The following LRBA variants were observed in gnomAD, a reference collection of about 807,000 sequenced individuals.
The protein encoded by LRBA is lipopolysaccharide-responsive and beige-like anchor protein.
Under a neutral mutation model 330.0 loss-of-function variants are expected in LRBA, and 176 were observed. The ratio of observed to expected loss-of-function variants is 0.53; its 90% confidence interval spans 0.47 to 0.60. The LOEUF (loss-of-function observed/expected upper bound fraction) is 0.60. Ranked by LOEUF, LRBA falls within the 20% of genes least tolerant of loss-of-function variation. The pLI, the probability that LRBA is intolerant of heterozygous loss-of-function variation, is 0.00. For synonymous variants in LRBA, 1,230 were observed against 1,193.0 expected, an observed-to-expected ratio of 1.03 and a Z score of -0.64; for missense variants, 3,259 against 3,444.8, an observed-to-expected ratio of 0.95 and a Z score of 1.35.
chr4:150,609,157 A>G (rs6826248), intron 37 of LRBA, among the ~76,000 whole-genome samples: 118,467 of 152,144 alleles, frequency 0.78, 51,042 homozygotes, highest in Non-Finnish European at 0.95. Context: ...CACTTTTTAA[A>G]TGTTTCTCTG....
At position 150,282,471 on chromosome 4, in the gene LRBA, C is replaced by T. The variant is rs142722799; in HGVS notation, c.8295G>A (p.Met2765Ile). 2.5e-5 allele frequency: 40 copies of T among 1,614,000 alleles called. No homozygotes were observed. In the African/African-American group the frequency reaches 4.3e-4, roughly 17 times the overall value. The change falls in exon 55 of 57, where the codon ATG becomes ATA. Residue 2765 changes from methionine (M) to isoleucine (I), a missense_variant. By Grantham distance (10) the Met-to-Ile change is conservative. Transcript: ENST00000651943. ...TCACTCTTATGTTATCATCTGTTTC[C>T]ATCGTGGCCTGGAGTTTTCCATTCA... ...FSVNGKLQATMETDDNIRAIQ... is the reference protein window; with the variant it reads ...FSVNGKLQATIETDDNIRAIQ...
chr4:150,850,719 C>G lies in LRBA; in HGVS notation c.4004+5G>C. On this transcript the variant is annotated splice_donor_5th_base_variant and intron_variant, in intron 24 of 56. Coordinates refer to ENST00000651943, the MANE Select transcript of LRBA (RefSeq NM_001364905.1). ...ACATCTTCCATAATAAACATATAGACAAACCTTCTCCACATCTGTATATCT... is the reference window on the plus strand; with the variant it reads ...ACATCTTCCATAATAAACATATAGAGAAACCTTCTCCACATCTGTATATCT... 6.3e-7 allele frequency: 1 copy of G among 1,593,254 alleles called. No homozygotes were observed. Among genetic ancestry groups the G allele is most frequent in the Non-Finnish European group, 8.6e-7 (1 of 1,164,644 alleles).
rs1343942491 is a variant in LRBA at position 150,714,828 on chromosome 4, G to A, written c.5754+20430C>T. Reference sequence around the variant, plus strand: ...TAAATTAAGATTGCTAATATAGTGAGTTCAGTTTTGAGAAACAAGGCCATC... The same window carrying A: ...TAAATTAAGATTGCTAATATAGTGAATTCAGTTTTGAGAAACAAGGCCATC... On this transcript the variant is annotated intron_variant, in intron 36 of 56. Transcript: ENST00000651943. 2.0e-5 allele frequency among the ~76,000 whole-genome samples: 3 copies of A among 152,136 alleles called. No homozygotes were observed. In the East Asian group the frequency reaches 5.8e-4, roughly 29 times the overall value.
At chr4:150,877,779 G>A (rs118078538) in intron 17 of LRBA, among the ~76,000 whole-genome samples, 3 of 152,204 alleles carry the variant, frequency 2.0e-5, no homozygotes, top group East Asian at 1.9e-4. Flanking sequence ...CACATGCTTC[G>A]CCATAAAGAA....
intron 34 of LRBA, among the ~76,000 whole-genome samples, chr4:150,769,223 G>A (rs1190197015): frequency 2.6e-5 from 4 of 152,012 alleles, no homozygotes; most frequent in Admixed American, 2.6e-4. Context: ...GGGATTACAG[G>A]AGTGAGCCAC....
intron 41 of LRBA, among the ~76,000 whole-genome samples, chr4:150,489,466 AATATATT>A (rs1758538617): frequency 2.7e-5 from 1 of 36,482 alleles, no homozygotes; most frequent in Non-Finnish European, 6.4e-5. Context: ...AAGAATATAA[AATATATT>A]ATATATAAGA....
chr4:150,435,421 T>C (rs937004443), intron 46 of LRBA, among the ~76,000 whole-genome samples, 168 bp downstream of exon 46: 4 of 151,860 alleles, frequency 2.6e-5, no homozygotes, highest in African/African-American at 4.8e-5. Flanking sequence ...AGACAAGAGA[T>C]AGAGACAGAG....
At chr4:150,588,487 A>G (rs927308889) in intron 39 of LRBA, among the ~76,000 whole-genome samples, 5 of 152,212 alleles carry the variant, frequency 3.3e-5, no homozygotes, top group African/African-American at 1.2e-4. Flanking sequence ...CTCTGCCTAA[A>G]TAAGTCCATC....
intron 8 of LRBA, among the ~76,000 whole-genome samples, chr4:150,915,194 C>T (rs573265814): frequency 1.3e-5 from 2 of 152,058 alleles, no homozygotes; most frequent in East Asian, 3.9e-4. Context: ...TCATTCTAAC[C>T]TATAGATTTA....
chr4:150,615,949 C>G (rs1258665461), intron 37 of LRBA, among the ~76,000 whole-genome samples: 1 of 152,004 alleles, frequency 6.6e-6, no homozygotes, highest in African/African-American at 2.4e-5. Flanking sequence ...CTCTTGGAAG[C>G]CAAGAACTAA....
chr4:150,992,632 G>A (rs185183586), intron 2 of LRBA, among the ~76,000 whole-genome samples: 76 of 152,270 alleles, frequency 5.0e-4, no homozygotes, highest in Non-Finnish European at 9.1e-4. Flanking sequence ...TCTGAATTAA[G>A]GTTCAATTAA....
At chr4:150,293,818 C>CA (rs985265290) in intron 53 of LRBA, among the ~76,000 whole-genome samples, 1 of 152,210 alleles carries the variant, frequency 6.6e-6, no homozygotes, top group African/African-American at 2.4e-5. Context: ...TCTGCTTCCT[C>CA]AGTCTACTCG....
intron 37 of LRBA, among the ~76,000 whole-genome samples, chr4:150,601,981 G>A (rs1258620034): frequency 2.0e-5 from 3 of 149,582 alleles, no homozygotes; most frequent in East Asian, 2.2e-4. Context: ...GTGAGCCACC[G>A]CACCCGGCCT....
At chr4:150,372,596 A>T (rs1039834677) in intron 47 of LRBA, among the ~76,000 whole-genome samples, 2 of 149,820 alleles carry the variant, frequency 1.3e-5, no homozygotes, top group African/African-American at 2.4e-5. Context: ...AAAGAAAAAA[A>T]ATCCAAAAGA....
intron 47 of LRBA, among the ~76,000 whole-genome samples, chr4:150,381,705 T>C (rs1027695733): frequency 2.6e-5 from 4 of 152,240 alleles, no homozygotes; most frequent in African/African-American, 9.6e-5. Flanking sequence ...TTATCTTGGA[T>C]ATACATATAA....
At chr4:151,002,196 C>CA (rs143587760) in intron 2 of LRBA, among the ~76,000 whole-genome samples, 14,244 of 24,580 alleles carry the variant, frequency 0.58, 4,588 homozygotes, top group Non-Finnish European at 0.71. Context: ...CATAAAACAG[C>CA]AAAAAAAAAA....
At chr4:150,284,487 CTA>C in intron 54 of LRBA, among the ~76,000 whole-genome samples, 1 of 152,264 alleles carries the variant, frequency 6.6e-6, no homozygotes, top group East Asian at 1.9e-4. Context: ...GTGAGTTTTA[CTA>C]CTTTTTTCAT....
At chr4:150,331,773 G>C (rs1470384804) in intron 48 of LRBA, among the ~76,000 whole-genome samples, 1 of 152,138 alleles carries the variant, frequency 6.6e-6, no homozygotes, top group African/African-American at 2.4e-5. Context: ...TTGCAAATTT[G>C]ATTATGTGAC....
intron 18 of LRBA, 92 bp from the exon 19 acceptor site, chr4:150,871,545 T>C: frequency 2.7e-6 from 2 of 734,532 alleles, no homozygotes; most frequent in Non-Finnish European, 4.9e-6. Context: ...AAAATACTTT[T>C]TCACATTACA....
Sources: gnomAD v4.1 joint callset for allele counts (sites outside exome capture counted in the v4.1 genomes callset) on GRCh38, gnomAD v4.1.1 for gene constraint, MANE v1.5 for transcripts, NCBI Gene and HGNC (gene_info 2026-07-23, HGNC 2026-07-21) for gene names.